Variants in BICC1 observed in about 807,000 individuals in gnomAD.
BICC1 encodes the protein protein bicaudal C homolog 1.
Under a neutral mutation model 111.0 loss-of-function variants are expected in BICC1, and 43 were observed. The ratio of observed to expected loss-of-function variants is 0.39; its 90% confidence interval spans 0.30 to 0.50. The LOEUF (loss-of-function observed/expected upper bound fraction) is 0.50. BICC1 is among the 20% of genes least tolerant of loss of function. The probability of loss-of-function intolerance (pLI) is 0.88; values close to 1 mark genes in which losing one functional copy is unlikely to be tolerated. For synonymous variants in BICC1, 467 were observed against 434.4 expected, an observed-to-expected ratio of 1.07 and a Z score of -0.93; for missense variants, 1,091 against 1,203.2, an observed-to-expected ratio of 0.91 and a Z score of 1.38.
intron 1 of BICC1, among the ~76,000 whole-genome samples, chr10:58,530,699 AAAG>A (rs368317053): frequency 0.088 from 12,281 of 139,982 alleles, 572 homozygotes; most frequent in South Asian, 0.12. Flanking sequence ...AAAAAAAAAA[AAAG>A]AAAATCAGAA....
chr10:58,714,597 G>A (rs1172804986), intron 3 of BICC1, among the ~76,000 whole-genome samples: 2 of 152,092 alleles, frequency 1.3e-5, no homozygotes, highest in Non-Finnish European at 2.9e-5. Flanking sequence ...TGTAGTTGTG[G>A]TAACTGTGAC....
chr10:58,608,075 A>G (rs1164298443), intron 1 of BICC1, among the ~76,000 whole-genome samples: 2 of 152,200 alleles, frequency 1.3e-5, no homozygotes, highest in Admixed American at 1.3e-4. Context: ...AAGAAACAAT[A>G]TATGGGTATC....
intron 1 of BICC1, among the ~76,000 whole-genome samples, chr10:58,523,539 T>C (rs1842449866): frequency 6.6e-6 from 1 of 152,180 alleles, no homozygotes; most frequent in Non-Finnish European, 1.5e-5. Flanking sequence ...AATTAGGTAT[T>C]GATGGGACGT....
chr10:58,597,889 T>C (rs1844874128), intron 1 of BICC1, among the ~76,000 whole-genome samples: 1 of 152,142 alleles, frequency 6.6e-6, no homozygotes, highest in African/African-American at 2.4e-5. Context: ...TGTTATTCTG[T>C]TCTTTTTCAA....
intron 1 of BICC1, among the ~76,000 whole-genome samples, chr10:58,518,330 A>G (rs951654152): frequency 8.5e-5 from 13 of 152,182 alleles, no homozygotes; most frequent in Middle Eastern, 6.8e-3. Context: ...CTGGGTTAAC[A>G]TGTTTCATTT....
At chr10:58,652,530 G>C (rs1838484195) in intron 2 of BICC1, among the ~76,000 whole-genome samples, 1 of 151,866 alleles carries the variant, frequency 6.6e-6, no homozygotes, top group African/African-American at 2.4e-5. Flanking sequence ...TTCTCTTCTT[G>C]GTAAGTTTTA....
Position 58,803,433 on chromosome 10 carries a change from TAA to T in BICC1, c.2181+192_2181+193del, listed in dbSNP as rs1260065983. On this transcript the variant is annotated intron_variant, in intron 15 of 20. Coordinates refer to ENST00000373886, the MANE Select transcript of BICC1 (RefSeq NM_001080512.3). ...TAAAAATGAAAAGCAGTATTTACCT[TAA>T]GTGAGAATTCTTTAAAATATATTAA... 2.0e-5 allele frequency among the ~76,000 whole-genome samples: 3 copies of T among 152,216 alleles called. No homozygotes were observed. In the East Asian group the frequency reaches 5.8e-4, roughly 29 times the overall value.
chr10:58,754,760 A>ATGTGTGTG lies in BICC1; in HGVS notation c.308-30223_308-30216dup, dbSNP rs149325160. Among the ~76,000 whole-genome samples, 191 of 148,848 alleles carry ATGTGTGTG rather than the reference A, an allele frequency of 1.3e-3. 2 individuals are homozygous for ATGTGTGTG. The highest frequency in any genetic ancestry group is 6.0e-3 in the South Asian group (28 of 4,670). ...GACAAACTTGTGAGGGGGGGTGTGT[A>ATGTGTGTG]TGTGTGTGTGTGTGTGTGTGTGTGT... On this transcript the variant is annotated intron_variant, in intron 3 of 20. Transcript: ENST00000373886.
intron 2 of BICC1, among the ~76,000 whole-genome samples, chr10:58,652,228 T>G (rs112604569): frequency 0.011 from 1,614 of 152,260 alleles, 30 homozygotes; most frequent in African/African-American, 0.037. Flanking sequence ...ATTTTTCAAA[T>G]GCAGCTGAAA....
intron 1 of BICC1, among the ~76,000 whole-genome samples, chr10:58,530,700 A>G (rs1193429247): frequency 8.2e-6 from 1 of 122,300 alleles, no homozygotes; most frequent in Non-Finnish European, 1.8e-5. Flanking sequence ...AAAAAAAAAA[A>G]AGAAAATCAG....
chr10:58,747,389 A>T (rs1166131588), intron 3 of BICC1, among the ~76,000 whole-genome samples: 4 of 152,212 alleles, frequency 2.6e-5, no homozygotes, highest in Non-Finnish European at 5.9e-5. Context: ...CAACTTAAAT[A>T]AATAAGCAAA....
At chr10:58,539,792 A>C (rs1842914752) in intron 1 of BICC1, among the ~76,000 whole-genome samples, 1 of 151,914 alleles carries the variant, frequency 6.6e-6, no homozygotes, top group African/African-American at 2.4e-5. Flanking sequence ...GACCTAACAG[A>C]TACATACAGA....
intron 3 of BICC1, among the ~76,000 whole-genome samples, chr10:58,779,737 A>G (rs1351249406): frequency 6.6e-6 from 1 of 152,218 alleles, no homozygotes; most frequent in Non-Finnish European, 1.5e-5. Flanking sequence ...TTACCACATC[A>G]TAAAGGAAAT....
intron 3 of BICC1, among the ~76,000 whole-genome samples, chr10:58,749,586 C>A (rs1035464331): frequency 2.6e-5 from 4 of 152,092 alleles, no homozygotes; most frequent in Non-Finnish European, 4.4e-5. Flanking sequence ...GTGACTTTTA[C>A]AGAGCATCTC....
chr10:58,516,588 A>G (rs1242438314), intron 1 of BICC1, among the ~76,000 whole-genome samples: 1 of 152,120 alleles, frequency 6.6e-6, no homozygotes, highest in Non-Finnish European at 1.5e-5. Flanking sequence ...TATCAGTTTT[A>G]TTAGTTTACA....
chr10:58,696,077 T>C (rs931404811), intron 2 of BICC1, among the ~76,000 whole-genome samples: 5 of 152,162 alleles, frequency 3.3e-5, no homozygotes, highest in African/African-American at 1.2e-4. Flanking sequence ...TTACCTTCCC[T>C]TCCTATCTCT....
At chr10:58,790,751 G>T (rs1345027473) in intron 8 of BICC1, among the ~76,000 whole-genome samples, 5 of 152,166 alleles carry the variant, frequency 3.3e-5, no homozygotes, top group African/African-American at 9.7e-5. Flanking sequence ...CTTGAACCCA[G>T]AAAGCAGAGG....
At chr10:58,632,931 T>C (rs1363633160) in intron 2 of BICC1, among the ~76,000 whole-genome samples, 1 of 152,058 alleles carries the variant, frequency 6.6e-6, no homozygotes, top group African/African-American at 2.4e-5. Flanking sequence ...AAGTGAAAGG[T>C]TTAGAGGATA....
At chr10:58,649,901 T>G (rs143475233) in intron 2 of BICC1, among the ~76,000 whole-genome samples, 182 of 152,270 alleles carry the variant, frequency 1.2e-3, no homozygotes, top group African/African-American at 4.0e-3. Context: ...CACTACCACA[T>G]TGTACTTGTA....
Sources: allele counts gnomAD v4.1 joint callset (sites outside exome capture counted in the v4.1 genomes callset), GRCh38; gene constraint gnomAD v4.1.1; transcripts MANE v1.5; gene names NCBI Gene and HGNC (gene_info 2026-07-23, HGNC 2026-07-21).